The following SLC5A4 variants were observed in gnomAD, a reference collection of about 807,000 sequenced individuals.
SLC5A4 encodes the protein solute carrier family 5 member 4.
A neutral mutation model predicts 70.3 loss-of-function variants in SLC5A4; 55 were observed. That is an observed-to-expected ratio of 0.78 (90% CI 0.63 to 0.98). SLC5A4 has a LOEUF of 0.98. Ranked by LOEUF, SLC5A4 falls within the 50% of genes least tolerant of loss-of-function variation. The pLI is 0.00. For synonymous variants in SLC5A4, 268 were observed against 305.7 expected (o/e 0.88, Z 1.29); for missense variants, 735 against 839.2 (o/e 0.88, Z 1.53).
the SLC5A4 span, among the ~76,000 whole-genome samples, chr22:32,309,200 T>G: frequency 6.6e-6 from 1 of 152,208 alleles, no homozygotes; most frequent in South Asian, 2.1e-4. Flanking sequence ...TGGTTCTGAA[T>G]AGAGATTCCA....
At chr22:32,237,377 T>C in intron 6 of SLC5A4, 53 bp from the exon 7 acceptor site, 1 of 1,257,874 alleles carries the variant, frequency 7.9e-7, no homozygotes, top group South Asian at 1.5e-5. Flanking sequence ...TCCTCATGTA[T>C]TTACCTTCAC....
chr22:32,300,796 C>T, the SLC5A4 span, among the ~76,000 whole-genome samples: 1 of 152,154 alleles, frequency 6.6e-6, no homozygotes, highest in Non-Finnish European at 1.5e-5. Flanking sequence ...TTTAACCATT[C>T]TCCAGTTGAA....
At chr22:32,305,634 T>C in the SLC5A4 span, among the ~76,000 whole-genome samples, 1 of 140,888 alleles carries the variant, frequency 7.1e-6, no homozygotes, top group Non-Finnish European at 1.5e-5. Context: ...CTTCTCCTGC[T>C]GGCGGGTGGG....
the SLC5A4 span, among the ~76,000 whole-genome samples, chr22:32,334,065 TAC>T: frequency 0.082 from 12,100 of 147,376 alleles, 610 homozygotes; most frequent in Middle Eastern, 0.15. Flanking sequence ...TCACACAATA[TAC>T]ACACACTATG....
the SLC5A4 span, among the ~76,000 whole-genome samples, chr22:32,294,655 T>C: frequency 8.5e-6 from 1 of 118,064 alleles, no homozygotes; most frequent in Non-Finnish European, 1.8e-5. Flanking sequence ...ATAAATACAA[T>C]GGTGGTTGGC....
At chr22:32,264,073 G>GAAATACCCA in the SLC5A4 span, among the ~76,000 whole-genome samples, 13,650 of 151,740 alleles carry the variant, frequency 0.09, 641 homozygotes, top group South Asian at 0.12. Flanking sequence ...AGCATTAGGA[G>GAAATACCCA]AAATACCCAA....
Position 32,218,678 on chromosome 22 carries a change from A to G in SLC5A4, c.1816T>C (p.Phe606Leu), listed in dbSNP as rs761442663. The G allele has an allele frequency of 6.2e-7, 1 of 1,614,032 alleles. No individual in the cohort carries two copies. The highest frequency in any genetic ancestry group is 1.7e-5 in the Admixed American group (1 of 60,004). Residue 606 changes from phenylalanine (F) to leucine (L), a missense_variant, in exon 15 of 15, where the codon TTC becomes CTC. Coordinates refer to ENST00000266086, the MANE Select transcript of SLC5A4 (RefSeq NM_014227.3). Reference protein sequence around the residue: ...RGCLKKAYDLFCGLQKGPKLT... With the variant: ...RGCLKKAYDLLCGLQKGPKLT... ...TTGGGTCCCTTCTGCAAACCGCAGA[A>G]CAAGTCATAAGCTTTCTTGAGGCAT...
At chr22:32,260,094 C>T (rs979820335), upstream of SLC5A4, among the ~76,000 whole-genome samples, 9 of 152,196 alleles carry the variant, frequency 5.9e-5, no homozygotes, top group African/African-American at 2.2e-4. Context: ...AAACATTGAC[C>T]ACTCTCAGAA....
the SLC5A4 span, among the ~76,000 whole-genome samples, chr22:32,320,894 CCT>C: frequency 2.0e-5 from 3 of 152,308 alleles, no homozygotes; most frequent in Middle Eastern, 3.4e-3. Context: ...GATCCGGCAA[CCT>C]CTCTCTGTGT....
At chr22:32,269,641 T>A in the SLC5A4 span, 1 of 597,724 alleles carries the variant, frequency 1.7e-6, no homozygotes, top group Admixed American at 2.0e-5. The surrounding 1 kb of genome is among the most constrained non-coding windows in gnomAD (Gnocchi z 4.1). Flanking sequence ...ATAGGTGGGG[T>A]GGTGGTCTTT....
the SLC5A4 span, among the ~76,000 whole-genome samples, chr22:32,311,952 C>T: frequency 1.3e-5 from 2 of 152,128 alleles, no homozygotes; most frequent in African/African-American, 4.8e-5. Context: ...GGTTGGTCTC[C>T]TCCTGGCCAT....
At chr22:32,303,851 ATGTTT>A in the SLC5A4 span, among the ~76,000 whole-genome samples, 2 of 152,154 alleles carry the variant, frequency 1.3e-5, no homozygotes, top group Non-Finnish European at 2.9e-5. Flanking sequence ...TGGTAAAAAT[ATGTTT>A]TGTTTTGTAA....
chr22:32,319,129 C>T, the SLC5A4 span, among the ~76,000 whole-genome samples: 34 of 152,220 alleles, frequency 2.2e-4, no homozygotes, highest in Non-Finnish European at 4.4e-4. Context: ...CCTTTAGACT[C>T]AGGGTGGGAC....
At position 32,224,322 on chromosome 22, in the gene SLC5A4, G is replaced by T; in HGVS notation, c.1610C>A (p.Ser537Tyr). 6.2e-7 allele frequency: 1 copy of T among 1,613,982 alleles called. No homozygotes were observed. Among genetic ancestry groups the T allele is most frequent in the Non-Finnish European group, 8.5e-7 (1 of 1,179,964 alleles). The change falls in exon 13 of 15, where the codon TCC (serine) becomes TAC (tyrosine). Residue 537 changes from serine to tyrosine, a missense_variant. Physicochemically the swap from Ser to Tyr is moderately radical, Grantham distance 144. Coordinates refer to ENST00000266086, the MANE Select transcript of SLC5A4 (RefSeq NM_014227.3). Reference sequence around the variant, plus strand: ...GGAAATTCCCAGGGTGACCAGCATGGACCCAAAAAAGAGAACGATGGAAAA... The same window carrying T: ...GGAAATTCCCAGGGTGACCAGCATGTACCCAAAAAAGAGAACGATGGAAAA... Reference protein sequence around the residue: ...LYFSIVLFFGSMLVTLGISLL... With the variant: ...LYFSIVLFFGYMLVTLGISLL...
At chr22:32,246,316 C>T (rs576597264) in intron 5 of SLC5A4, among the ~76,000 whole-genome samples, 1 of 152,172 alleles carries the variant, frequency 6.6e-6, no homozygotes, top group Non-Finnish European at 1.5e-5. Flanking sequence ...CCAACAACAA[C>T]TCGGTTCAAC....
At chr22:32,322,802 C>T in the SLC5A4 span, among the ~76,000 whole-genome samples, 1 of 152,114 alleles carries the variant, frequency 6.6e-6, no homozygotes, top group East Asian at 1.9e-4. Context: ...AGGAAGAGGA[C>T]TTTGGGTTGC....
the SLC5A4 span, among the ~76,000 whole-genome samples, chr22:32,320,232 A>G: frequency 3.3e-5 from 5 of 152,258 alleles, no homozygotes; most frequent in Non-Finnish European, 7.4e-5. Context: ...TGAGCACCCA[A>G]TGCATTTGCT....
the SLC5A4 span, among the ~76,000 whole-genome samples, chr22:32,321,700 T>C: frequency 6.6e-6 from 1 of 152,208 alleles, no homozygotes; most frequent in Non-Finnish European, 1.5e-5. Flanking sequence ...CTCCCGCTTA[T>C]AAGTGAGAGC....
At chr22:32,232,561 C>G (rs560300872) in intron 9 of SLC5A4, among the ~76,000 whole-genome samples, 1 of 152,118 alleles carries the variant, frequency 6.6e-6, no homozygotes, top group South Asian at 2.1e-4. Flanking sequence ...TCAGACAGTA[C>G]GGCTCACTCA....
Sources: allele counts gnomAD v4.1 joint callset (sites outside exome capture counted in the v4.1 genomes callset), GRCh38; gene constraint gnomAD v4.1.1; non-coding constraint Gnocchi (gnomAD v3.1); transcripts MANE v1.5; gene names NCBI Gene and HGNC (gene_info 2026-07-23, HGNC 2026-07-21).